ADI1: variants seen among roughly 807,000 people sequenced by gnomAD.
ADI1 encodes the protein acireductone dioxygenase 1, also known as acireductone dioxygenase.
In ADI1, 21 loss-of-function variants were observed where a neutral mutation model predicts 18.7. That is an observed-to-expected ratio of 1.13 (90% CI 0.80 to 1.62). The LOEUF is 1.62. Among genes scored for constraint, ADI1 ranks in the 40% most tolerant of loss-of-function variants. ADI1 has a pLI of 0.00. For synonymous variants in ADI1, 90 were observed against 100.1 expected (o/e 0.90, Z 0.60); for missense variants, 245 against 254.9 (o/e 0.96, Z 0.26).
chr2:3,499,154 T>G, intron 3 of ADI1, 72 bp from the exon 4 acceptor site: 2 of 1,550,612 alleles, frequency 1.3e-6, no homozygotes, highest in Non-Finnish European at 1.8e-6. Flanking sequence ...TATTAACATA[T>G]CAACTTGTTA....
rs534425798 is a variant in ADI1 at position 3,503,306 on chromosome 2, C to T, written c.241-2313G>A. Among the ~76,000 whole-genome samples, 2 of 85,806 alleles carry T rather than the reference C, an allele frequency of 2.3e-5. 1 individual carries two copies. Among genetic ancestry groups the T allele is most frequent in the East Asian group, 5.5e-4 (2 of 3,642 alleles). The allele number at this position is 85,806 out of a possible 152,430, so 56.3% of individuals were successfully genotyped here. A position where few individuals can be genotyped will look rare whatever the true frequency, so the allele number is the denominator to read the frequency against. On this transcript the variant is annotated intron_variant, in intron 2 of 3. Coordinates refer to ENST00000327435, the MANE Select transcript of ADI1 (RefSeq NM_018269.4). ...ATTCACACACATGCACACATACACA[C>T]TGACACGCACATTCACACACATGCA...
chr2:3,513,348 TAC>T (rs1251828521), intron 2 of ADI1, among the ~76,000 whole-genome samples: 1 of 152,182 alleles, frequency 6.6e-6, no homozygotes, highest in Non-Finnish European at 1.5e-5. Flanking sequence ...GGCAGAATAA[TAC>T]AGTTTAGATT....
At chr2:3,500,344 C>T (rs1281099851) in intron 3 of ADI1, among the ~76,000 whole-genome samples, 3 of 146,174 alleles carry the variant, frequency 2.1e-5, no homozygotes, top group African/African-American at 7.9e-5. Context: ...TGTTTATTGC[C>T]AATCCTGACT....
intron 2 of ADI1, among the ~76,000 whole-genome samples, chr2:3,507,832 T>G (rs746010477): frequency 1.4e-4 from 22 of 152,170 alleles, no homozygotes; most frequent in Non-Finnish European, 2.4e-4. Flanking sequence ...TAGGTGATTA[T>G]AACATATGGA....
chr2:3,501,057 C>A (rs1033770389), intron 2 of ADI1, 64 bp from the exon 3 acceptor site: 8 of 1,442,072 alleles, frequency 5.5e-6, no homozygotes, highest in Non-Finnish European at 6.5e-6. Flanking sequence ...CACACCCACC[C>A]ACTCAGCAGC....
chr2:3,503,194 C>CACAT (rs1558425473), intron 2 of ADI1, among the ~76,000 whole-genome samples: 23 of 151,010 alleles, frequency 1.5e-4, no homozygotes, highest in African/African-American at 5.7e-4. Flanking sequence ...TGCACACATA[C>CACAT]ATGCATGCAT....
rs972683460 is a variant in ADI1 at position 3,498,713 on chromosome 2, A to T, written c.*250T>A. ...TTTCATTTGGGACTCAACTGAATGC[A>T]TGAACTAACACAGGGCCATGGACCC... On this transcript the variant is annotated 3_prime_UTR_variant, in exon 4 of 4. Coordinates refer to ENST00000327435, the MANE Select transcript of ADI1 (RefSeq NM_018269.4). 1.4e-5 allele frequency: 6 copies of T among 421,650 alleles called. No individual in the cohort carries two copies. Among genetic ancestry groups the T allele is most frequent in the Non-Finnish European group, 2.0e-5 (5 of 246,968 alleles). The allele number at this position is 421,650 out of a possible 1,614,324, so 26.1% of individuals were successfully genotyped here.
chr2:3,516,839 T>C (rs1438250878), intron 1 of ADI1: 5 of 985,186 alleles, frequency 5.1e-6, no homozygotes, highest in African/African-American at 3.5e-5. Context: ...CATGTCCACA[T>C]GTGTTACCTC....
intron 2 of ADI1, among the ~76,000 whole-genome samples, chr2:3,501,436 C>G (rs2103201501): frequency 6.6e-6 from 1 of 152,320 alleles, no homozygotes; most frequent in African/African-American, 2.4e-5. Context: ...ACACAGCAGT[C>G]ATGAAATCAC....
chr2:3,513,053 T>C (rs369144921), intron 2 of ADI1, among the ~76,000 whole-genome samples: 29 of 152,228 alleles, frequency 1.9e-4, no homozygotes, highest in African/African-American at 6.3e-4. Flanking sequence ...CTGCTGAGTT[T>C]TGAACTTTCA....
intron 2 of ADI1, among the ~76,000 whole-genome samples, chr2:3,512,261 C>T (rs1465894102): frequency 1.3e-5 from 2 of 152,230 alleles, no homozygotes; most frequent in Non-Finnish European, 2.9e-5. Context: ...GGGAAAAAAC[C>T]TCAAAGGCAT....
chr2:3,501,776 C>T (rs1342388715), intron 2 of ADI1, among the ~76,000 whole-genome samples: 2 of 152,188 alleles, frequency 1.3e-5, no homozygotes, highest in Non-Finnish European at 2.9e-5. Flanking sequence ...CATCCACCTG[C>T]CTCGGCCTCC....
chr2:3,502,418 C>T (rs1667044263), intron 2 of ADI1, among the ~76,000 whole-genome samples: 1 of 150,474 alleles, frequency 6.6e-6, no homozygotes, highest in Non-Finnish European at 1.5e-5. Flanking sequence ...TATTCATAGC[C>T]ACACAGAAAG....
chr2:3,518,313 A>G (rs1186582673), intron 1 of ADI1, among the ~76,000 whole-genome samples: 6 of 152,240 alleles, frequency 3.9e-5, no homozygotes. Context: ...CCCAAGGGAA[A>G]AAGTGTGGTG....
At chr2:3,499,757 T>A (rs1400972251) in intron 3 of ADI1, among the ~76,000 whole-genome samples, 2 of 152,118 alleles carry the variant, frequency 1.3e-5, no homozygotes, top group Non-Finnish European at 1.5e-5. Flanking sequence ...GGCTGAGGCT[T>A]GTAGACACTG....
chr2:3,514,517 C>T (rs1667358634), intron 1 of ADI1, among the ~76,000 whole-genome samples: 1 of 152,200 alleles, frequency 6.6e-6, no homozygotes, highest in Non-Finnish European at 1.5e-5. Context: ...TTAAAGAACT[C>T]TACATTCTAA....
intron 2 of ADI1, among the ~76,000 whole-genome samples, chr2:3,507,570 G>C (rs182071759): frequency 1.6e-3 from 247 of 151,584 alleles, no homozygotes; most frequent in Non-Finnish European, 2.9e-3. Flanking sequence ...TAAAAGTGAA[G>C]AAGAAATAAA....
rs559756396 is a variant in ADI1 at position 3,519,447 on chromosome 2, G to T, written c.41C>A (p.Pro14Gln). ...AWYMDDAPGD[P>Q]RQPHRPDPGR... Reference sequence around the variant, plus strand: ...GGGGTCGGGGCGGTGGGGTTGCCGCGGGTCGCCCGGGGCGTCGTCCATATA... The same window carrying T: ...GGGGTCGGGGCGGTGGGGTTGCCGCTGGTCGCCCGGGGCGTCGTCCATATA... Residue 14 changes from proline to glutamine, a missense_variant, in exon 1 of 4, where the codon CCG becomes CAG. By Grantham distance (76) the Pro-to-Gln change is moderately conservative (BLOSUM62 -1). Coordinates refer to ENST00000327435, the MANE Select transcript of ADI1 (RefSeq NM_018269.4). 2.9e-6 allele frequency: 4 copies of T among 1,356,888 alleles called. No homozygotes were observed. Among genetic ancestry groups the T allele is most frequent in the Non-Finnish European group, 2.8e-6 (3 of 1,059,764 alleles). 84.1% of individuals were successfully genotyped at this position (1,356,888 alleles called of 1,614,324 possible).
intron 2 of ADI1, among the ~76,000 whole-genome samples, chr2:3,505,734 C>G (rs1047426848): frequency 6.6e-6 from 1 of 152,180 alleles, no homozygotes; most frequent in African/African-American, 2.4e-5. Flanking sequence ...TCCCCCTCCC[C>G]CGGGTCCATG....
Sources: gnomAD v4.1 joint callset for allele counts (sites outside exome capture counted in the v4.1 genomes callset) on GRCh38, gnomAD v4.1.1 for gene constraint, MANE v1.5 for transcripts, NCBI Gene and HGNC (gene_info 2026-07-23, HGNC 2026-07-21) for gene names.